FARP1: variants seen among roughly 807,000 people sequenced by gnomAD.
FARP1 encodes the protein FERM, ARH/RhoGEF and pleckstrin domain protein 1.
In FARP1, 52 loss-of-function variants were observed where a neutral mutation model predicts 128.8. That is an observed-to-expected ratio of 0.40 (90% confidence interval 0.32 to 0.51). The LOEUF (loss-of-function observed/expected upper bound fraction) is 0.51. Among genes scored for constraint, FARP1 ranks in the 20% least tolerant of loss-of-function variants. The pLI, the probability that FARP1 is intolerant of heterozygous loss-of-function variation, is 0.45. For missense variants in FARP1, 1,333 were observed against 1,367.9 expected, an observed-to-expected ratio of 0.97 and a Z score of 0.40; for synonymous variants, 580 against 551.8, an observed-to-expected ratio of 1.05 and a Z score of -0.72.
chr13:98,410,583 A>T, intron 14 of FARP1, 151 bp from the exon 15 acceptor site: 1 of 553,382 alleles, frequency 1.8e-6, no homozygotes, highest in Non-Finnish European at 3.3e-6. Context: ...TATTCTCCTA[A>T]CCCAAAAAGG....
At chr13:98,147,783 A>T (rs1438638456) in intron 1 of FARP1, among the ~76,000 whole-genome samples, 3 of 151,936 alleles carry the variant, frequency 2.0e-5, no homozygotes, top group African/African-American at 7.3e-5. Flanking sequence ...CAGTCTCCCG[A>T]GTAGCTGTGA....
rs144481331 is a variant in FARP1, at chr13:98,175,558, T to A, written c.-24+32066T>A. 1.4e-3 allele frequency among the ~76,000 whole-genome samples: 212 copies of A among 152,154 alleles called. 1 individual carries two copies. The highest frequency in any genetic ancestry group is 4.4e-3 in the African/African-American group (183 of 41,498). The stretch of plus-strand genomic sequence containing the variant: ...ATTAATTATAGTACAAAACATAAAA[T>A]GTACCCTTAACCATTTTTAAGTGTT... On this transcript the variant is annotated intron_variant, in intron 1 of 26. Transcript: ENST00000319562.
intron 2 of FARP1, among the ~76,000 whole-genome samples, chr13:98,307,006 GA>G (rs1886195486): frequency 3.5e-5 from 3 of 86,414 alleles, no homozygotes; most frequent in South Asian, 4.3e-4. Context: ...CGAAGAAACA[GA>G]GCAGAGCTGA....
intron 16 of FARP1, among the ~76,000 whole-genome samples, chr13:98,418,852 A>T (rs537714752): frequency 6.6e-6 from 1 of 152,166 alleles, no homozygotes; most frequent in Admixed American, 6.5e-5. Context: ...GCTCACCTGG[A>T]TGCTATCAAA....
At chr13:98,196,044 C>T (rs1052244230) in intron 1 of FARP1, among the ~76,000 whole-genome samples, 1 of 152,014 alleles carries the variant, frequency 6.6e-6, no homozygotes, top group African/African-American at 2.4e-5. Flanking sequence ...ATTAGTAGAC[C>T]TCTTTATAGG....
intron 2 of FARP1, among the ~76,000 whole-genome samples, chr13:98,275,132 T>G (rs1884575921): frequency 1.3e-5 from 2 of 152,322 alleles, no homozygotes; most frequent in East Asian, 3.9e-4. Context: ...GAGGCTGTGA[T>G]TTCACTTTGG....
intron 1 of FARP1, chr13:98,204,114 C>T (rs1880120817): frequency 6.6e-6 from 1 of 152,208 alleles, no homozygotes; most frequent in African/African-American, 2.4e-5. Flanking sequence ...CTAGATCAAC[C>T]CTGGCAATCA....
intron 18 of FARP1, 51 bp downstream of exon 18, chr13:98,431,331 G>T (rs1409984153): frequency 3.0e-6 from 4 of 1,347,024 alleles, no homozygotes; most frequent in South Asian, 1.3e-5. Context: ...AGTTCAGGCC[G>T]GGTGCTCCCA....
intron 1 of FARP1, among the ~76,000 whole-genome samples, chr13:98,194,063 T>C (rs1191536297): frequency 1.3e-5 from 2 of 152,246 alleles, no homozygotes; most frequent in East Asian, 3.9e-4. Flanking sequence ...TGAAAATTTG[T>C]ATATGAATAA....
chr13:98,418,876 G>A (rs1040781057), intron 16 of FARP1, among the ~76,000 whole-genome samples: 3 of 152,144 alleles, frequency 2.0e-5, no homozygotes, highest in Admixed American at 6.5e-5. Context: ...GCCTGTGACC[G>A]GGTTGTCACT....
chr13:98,294,676 T>G (rs1885584071), intron 2 of FARP1, among the ~76,000 whole-genome samples: 1 of 152,192 alleles, frequency 6.6e-6, no homozygotes, highest in African/African-American at 2.4e-5. Context: ...GTATTTCTTC[T>G]TTCTGTTTTG....
intron 2 of FARP1, among the ~76,000 whole-genome samples, chr13:98,309,693 G>A (rs16955295): frequency 0.044 from 6,744 of 152,216 alleles, 515 homozygotes; most frequent in African/African-American, 0.15. Context: ...GCAGAACAAG[G>A]AAGGCAGAAA....
chr13:98,285,907 C>T (rs534728388), intron 2 of FARP1, among the ~76,000 whole-genome samples: 2 of 152,286 alleles, frequency 1.3e-5, no homozygotes, highest in Admixed American at 1.3e-4. Context: ...ACCCACTGTT[C>T]CACGGCCCCT....
At chr13:98,240,496 A>G (rs1043373815) in intron 2 of FARP1, among the ~76,000 whole-genome samples, 7 of 152,156 alleles carry the variant, frequency 4.6e-5, no homozygotes, top group Non-Finnish European at 1.0e-4. Flanking sequence ...GCAAACAGAG[A>G]AGGATGGTTG....
chr13:98,349,891 G>A (rs685038), intron 3 of FARP1, among the ~76,000 whole-genome samples: 49,766 of 151,840 alleles, frequency 0.33, 9,084 homozygotes, highest in African/African-American at 0.47. Flanking sequence ...CGGGGATGAC[G>A]GGCATCCCTT....
intron 5 of FARP1, among the ~76,000 whole-genome samples, chr13:98,375,698 G>A (rs997349029): frequency 5.3e-5 from 8 of 151,950 alleles, no homozygotes; most frequent in African/African-American, 7.3e-5. Context: ...GTGCAATCTC[G>A]GCTCACTGCA....
Position 98,324,902 on chromosome 13 carries a change from G to A in FARP1, c.172-18860G>A, listed in dbSNP as rs1377523649. On this transcript the variant is annotated intron_variant, in intron 2 of 26. Transcript: ENST00000319562. The stretch of plus-strand genomic sequence containing the variant: ...GACCTATTGGCCTTCATGGCCCATG[G>A]CTGCCTTCCGAACTATTATTTATGG... Among the ~76,000 whole-genome samples, 5 of 152,342 alleles carry A rather than the reference G, an allele frequency of 3.3e-5. No homozygotes were observed. The East Asian group carries it at 9.6e-4, about 29-fold the overall frequency.
intron 2 of FARP1, among the ~76,000 whole-genome samples, chr13:98,255,980 A>G (rs1883568608): frequency 6.6e-6 from 1 of 152,228 alleles, no homozygotes; most frequent in Non-Finnish European, 1.5e-5. Flanking sequence ...AACACCAGTA[A>G]ACGTTAAAGC....
intron 2 of FARP1, among the ~76,000 whole-genome samples, chr13:98,226,444 A>C (rs1881772509): frequency 6.6e-6 from 1 of 151,516 alleles, no homozygotes; most frequent in South Asian, 2.1e-4. Context: ...AAATAAGTTC[A>C]TACTCACAGG....
Sources: allele counts gnomAD v4.1 joint callset (sites outside exome capture counted in the v4.1 genomes callset), GRCh38; gene constraint gnomAD v4.1.1; transcripts MANE v1.5; gene names NCBI Gene and HGNC (gene_info 2026-07-23, HGNC 2026-07-21).